SERINC5: variants seen among roughly 807,000 people sequenced by gnomAD.
SERINC5 encodes chromosome 5 open reading frame 12.
A neutral mutation model predicts 63.1 loss-of-function variants in SERINC5; 41 were observed. The ratio of observed to expected loss-of-function variants is 0.65; its 90% CI spans 0.51 to 0.84. SERINC5 has a LOEUF of 0.84. Ranked by LOEUF, SERINC5 falls within the 40% of genes least tolerant of loss-of-function variation. SERINC5 has a pLI of 0.00. For synonymous variants in SERINC5, 222 were observed against 215.2 expected (o/e 1.03, Z -0.28); for missense variants, 523 against 573.0 (o/e 0.91, Z 0.89).
intron 1 of SERINC5, among the ~76,000 whole-genome samples, chr5:80,237,610 C>CAA (rs556196942): frequency 9.0e-4 from 137 of 151,946 alleles, no homozygotes; most frequent in African/African-American, 3.1e-3. Flanking sequence ...ACTGGGATTA[C>CAA]AAGCAAGAGC....
intron 11 of SERINC5, among the ~76,000 whole-genome samples, chr5:80,120,534 C>G (rs1288005575): frequency 6.6e-6 from 1 of 152,120 alleles, no homozygotes; most frequent in Non-Finnish European, 1.5e-5. Context: ...AAGAAATACC[C>G]ATGGCCAGGC....
At chr5:80,163,284 C>T (rs77914320) in intron 7 of SERINC5, among the ~76,000 whole-genome samples, 4,101 of 152,244 alleles carry the variant, frequency 0.027, 204 homozygotes, top group African/African-American at 0.091. Context: ...TCAACAAACA[C>T]GACAATTTGA....
intron 1 of SERINC5, among the ~76,000 whole-genome samples, chr5:80,207,102 C>T (rs917839319): frequency 2.6e-5 from 4 of 152,062 alleles, no homozygotes; most frequent in African/African-American, 9.6e-5. Context: ...GGGTTCACAC[C>T]ATTCTCCTGC....
intron 2 of SERINC5, among the ~76,000 whole-genome samples, chr5:80,189,521 G>A (rs754158128): frequency 1.3e-5 from 2 of 152,188 alleles, no homozygotes; most frequent in African/African-American, 2.4e-5. Context: ...AGAATACAGG[G>A]TCTAACAGAA....
At position 80,146,201 on chromosome 5, in the gene SERINC5, G is replaced by A; in HGVS notation, c.1127C>T (p.Pro376Leu). 1 of 1,613,976 alleles carries A rather than the reference G, an allele frequency of 6.2e-7. No homozygotes were observed. Among genetic ancestry groups the A allele is most frequent in the Non-Finnish European group, 8.5e-7 (1 of 1,179,850 alleles). ...TTTCTTCTCGTCATAAATGACCCGT[G>A]GTCCCTCCTTCCCCGGCTGCTGCTC... ...TEEQQPGKEG[P>L]RVIYDEKKGT... Residue 376 changes from proline to leucine, a missense_variant, in exon 11 of 12, where the codon CCA becomes CTA. By Grantham distance (98) the Pro-to-Leu change is moderately conservative. Coordinates refer to ENST00000507668, the MANE Select transcript of SERINC5 (RefSeq NM_001174072.3).
At chr5:80,160,142 T>G (rs1461724066) in intron 7 of SERINC5, among the ~76,000 whole-genome samples, 1 of 152,110 alleles carries the variant, frequency 6.6e-6, no homozygotes, top group Non-Finnish European at 1.5e-5. Context: ...GGATCTGACC[T>G]TATCTCCAGG....
Position 80,133,668 on chromosome 5 carries a change from A to G in SERINC5, c.1238+12422T>C, listed in dbSNP as rs557910984. Among the ~76,000 whole-genome samples the G allele has an allele frequency of 8.4e-4, 128 of 152,214 alleles. 1 individual carries two copies. The highest frequency in any genetic ancestry group is 1.5e-3 in the Non-Finnish European group (104 of 68,046). On this transcript the variant is annotated intron_variant, in intron 11 of 12. Coordinates refer to the SERINC5 transcript ENST00000509193. ...AAATCTAAGATGCTGTAACCGCCCA[A>G]CGAATTTTCCTTGCCCACTGCCTAG...
At chr5:80,224,934 T>TTTG (rs1242238946) in intron 1 of SERINC5, among the ~76,000 whole-genome samples, 23 of 73,880 alleles carry the variant, frequency 3.1e-4, no homozygotes, top group African/African-American at 1.2e-3. Context: ...TTTTTTTTTT[T>TTTG]GTTTTTTTTT....
In SERINC5 at chr5:80,143,543, C is replaced by A; in HGVS notation, c.*120G>T. ...AATCAGGAGATTTTTTTTTTTCTCTCTCAAAGCTTTTTCAGACCCACTCAG... is the reference window on the plus strand; with the variant it reads ...AATCAGGAGATTTTTTTTTTTCTCTATCAAAGCTTTTTCAGACCCACTCAG... On this transcript the variant is annotated 3_prime_UTR_variant, in exon 12 of 12. Transcript: ENST00000507668. The A allele has an allele frequency of 7.4e-7, 1 of 1,350,128 alleles. No homozygotes were observed. Among genetic ancestry groups the A allele is most frequent in the Non-Finnish European group, 9.5e-7 (1 of 1,052,878 alleles). 83.6% of individuals were successfully genotyped at this position (1,350,128 alleles called of 1,614,324 possible).
intron 1 of SERINC5, among the ~76,000 whole-genome samples, chr5:80,239,181 A>C (rs1236484477): frequency 2.0e-5 from 3 of 152,232 alleles, no homozygotes; most frequent in African/African-American, 7.2e-5. Flanking sequence ...TGGACAGCCC[A>C]TAAGCCATCT....
chr5:80,252,705 T>C (rs1444508821), intron 1 of SERINC5, among the ~76,000 whole-genome samples: 1 of 152,326 alleles, frequency 6.6e-6, no homozygotes, highest in Non-Finnish European at 1.5e-5. Context: ...TTTACACTTA[T>C]CATCACATGT....
intron 1 of SERINC5, among the ~76,000 whole-genome samples, chr5:80,248,836 A>T (rs1752271402): frequency 6.6e-6 from 1 of 152,262 alleles, no homozygotes; most frequent in Admixed American, 6.5e-5. Context: ...TGTAAAAAGA[A>T]AAGGTCAAAG....
At chr5:80,206,057 C>T (rs1373105609) in intron 1 of SERINC5, among the ~76,000 whole-genome samples, 1 of 149,688 alleles carries the variant, frequency 6.7e-6, no homozygotes, top group Non-Finnish European at 1.5e-5. Flanking sequence ...TCTTGGATAA[C>T]CTAATCAGAC....
At chr5:80,189,532 G>T (rs1325982252) in intron 2 of SERINC5, among the ~76,000 whole-genome samples, 3 of 152,178 alleles carry the variant, frequency 2.0e-5, no homozygotes, top group Non-Finnish European at 2.9e-5. Flanking sequence ...TCTAACAGAA[G>T]ACACTGTGCT....
intron 9 of SERINC5, among the ~76,000 whole-genome samples, chr5:80,149,344 T>A (rs901467581): frequency 3.5e-4 from 52 of 150,578 alleles, no homozygotes; most frequent in Middle Eastern, 3.4e-3. Context: ...TCAGCACAAT[T>A]TTCTCCTTTA....
intron 11 of SERINC5, among the ~76,000 whole-genome samples, chr5:80,125,776 C>A (rs1324493006): frequency 6.6e-6 from 1 of 152,014 alleles, no homozygotes; most frequent in Non-Finnish European, 1.5e-5. Flanking sequence ...CGGAGAAGAG[C>A]AAACTGGTTT....
intron 8 of SERINC5, among the ~76,000 whole-genome samples, chr5:80,155,915 T>A (rs980296229): frequency 2.6e-5 from 4 of 151,854 alleles, no homozygotes; most frequent in Non-Finnish European, 5.9e-5. Context: ...GGGAGTAGGT[T>A]TGGGTTGAGC....
chr5:80,253,725 C>T (rs1228256470), intron 1 of SERINC5, among the ~76,000 whole-genome samples: 1 of 152,178 alleles, frequency 6.6e-6, no homozygotes, highest in African/African-American at 2.4e-5. Flanking sequence ...GCTTACCACA[C>T]GGCCTTCTGA....
At chr5:80,177,543 C>A in intron 3 of SERINC5, 146 bp from the exon 4 acceptor site, 1 of 690,060 alleles carries the variant, frequency 1.4e-6, no homozygotes, top group Non-Finnish European at 2.5e-6. Context: ...AACTAGGTGA[C>A]TTGAAGAATG....
Sources: allele counts gnomAD v4.1 joint callset (sites outside exome capture counted in the v4.1 genomes callset), GRCh38; gene constraint gnomAD v4.1.1; transcripts MANE v1.5; gene names NCBI Gene and HGNC (gene_info 2026-07-23, HGNC 2026-07-21).